ERI3: variants seen among roughly 807,000 people sequenced by gnomAD.
ERI3 encodes the protein ERI1 exoribonuclease family member 3.
Under a neutral mutation model 44.4 loss-of-function variants are expected in ERI3, and 18 were observed. That is an observed-to-expected ratio of 0.41 (90% CI 0.28 to 0.60). ERI3 has a LOEUF of 0.60. Among genes scored for constraint, ERI3 ranks in the 20% least tolerant of loss-of-function variants. The pLI, the probability that ERI3 is intolerant of heterozygous loss-of-function variation, is 0.36. For synonymous variants in ERI3, 183 were observed against 164.8 expected (o/e 1.11, Z -0.84); for missense variants, 294 against 435.5 (o/e 0.68, Z 2.89).
intron 8 of ERI3, among the ~76,000 whole-genome samples, chr1:44,222,248 C>A (rs1437012604): frequency 2.0e-5 from 3 of 152,230 alleles, no homozygotes; most frequent in Non-Finnish European, 4.4e-5. Flanking sequence ...GCTCAAACAG[C>A]AGCTTGCCTG....
At position 44,354,923 on chromosome 1, in the gene ERI3, C is replaced by G. The variant is rs755224687; in HGVS notation, c.104G>C (p.Trp35Ser). 4 of 1,323,092 alleles carry G rather than the reference C, an allele frequency of 3.0e-6. No individual in the cohort carries two copies. The Admixed American group carries it at 9.2e-5, about 30-fold the overall frequency. The allele number at this position is 1,323,092 out of a possible 1,614,324, so 82.0% of individuals were successfully genotyped here. A position where few individuals can be genotyped will look rare whatever the true frequency, so the allele number is the denominator to read the frequency against. The change falls in exon 1 of 9, where the codon TGG (tryptophan) becomes TCG (serine). Residue 35 changes from tryptophan to serine, a missense_variant. By Grantham distance (177) the Trp-to-Ser change is radical. This residue lies in a region of ERI3 where 107 missense variants were observed against 96.9 expected (regional missense o/e 1.10). Transcript: ENST00000372257. The stretch of plus-strand genomic sequence containing the variant: ...GTGTTGCCCCCAACTCGGGCCCATC[C>G]AAGTCCAGGGGAGAGTAAGGGGAGG... ...PAPPLTLPWT[W>S]MGPSWGQHPG...
chr1:44,281,878 ATGTGTGTGTGTGTGTGTGTG>A (rs10574197), intron 7 of ERI3, among the ~76,000 whole-genome samples: 13 of 127,018 alleles, frequency 1.0e-4, no homozygotes, highest in African/African-American at 1.7e-4. Context: ...ACATGTGCAT[ATGTGTGTGTGTGTGTGTGTG>A]TGTGTGTGTG....
chr1:44,318,664 GTCAAACAGGC>G (rs1220579056), intron 4 of ERI3, among the ~76,000 whole-genome samples: 1 of 152,214 alleles, frequency 6.6e-6, no homozygotes, highest in African/African-American at 2.4e-5. Context: ...GCCCACCAGG[GTCAAACAGGC>G]TCATCCCCAG....
intron 7 of ERI3, among the ~76,000 whole-genome samples, chr1:44,259,899 A>ATAGATAGG: frequency 6.8e-6 from 1 of 147,822 alleles, no homozygotes; most frequent in Non-Finnish European, 1.5e-5. Flanking sequence ...AGATAGATAG[A>ATAGATAGG]TAGATAGATA....
chr1:44,293,864 C>T (rs534271978), intron 6 of ERI3, among the ~76,000 whole-genome samples: 3 of 152,292 alleles, frequency 2.0e-5, no homozygotes, highest in Admixed American at 1.3e-4. Context: ...CTGGTACACA[C>T]GCACCTCTGG....
intron 2 of ERI3, among the ~76,000 whole-genome samples, chr1:44,350,653 C>T (rs1220625834): frequency 6.6e-6 from 1 of 152,132 alleles, no homozygotes; most frequent in Non-Finnish European, 1.5e-5. Context: ...CTTTGGTAGA[C>T]ATTCTAGTAG....
In ERI3 at chr1:44,340,871, G is replaced by C. The variant is rs543830233; in HGVS notation, c.212-1549C>G. 1.7e-3 allele frequency among the ~76,000 whole-genome samples: 254 copies of C among 152,296 alleles called. 1 individual carries two copies. The highest frequency in any genetic ancestry group is 5.9e-3 in the African/African-American group (245 of 41,558). ...TTGAGTTTCAATATGGAGTCTCCTG[G>C]AAGGGCAAGAGGGCCAATATCCCTT... On this transcript the variant is annotated intron_variant, in intron 2 of 8. Transcript: ENST00000372257.
intron 5 of ERI3, among the ~76,000 whole-genome samples, chr1:44,311,661 C>T (rs770796511): frequency 6.6e-6 from 1 of 152,088 alleles, no homozygotes; most frequent in Admixed American, 6.5e-5. Flanking sequence ...GAAAAAAAAC[C>T]CATAACCTCA....
intron 1 of ERI3, chr1:44,354,178 T>C (rs1646950842): frequency 2.0e-6 from 2 of 985,324 alleles, no homozygotes; most frequent in Admixed American, 6.1e-5. Context: ...TACACTCTTT[T>C]AGCCAATAGG....
chr1:44,312,398 C>T (rs1645991688), intron 5 of ERI3, among the ~76,000 whole-genome samples: 1 of 152,250 alleles, frequency 6.6e-6, no homozygotes, highest in South Asian at 2.1e-4. Context: ...ACCTTCTCCC[C>T]CTGTGAAAAC....
intron 3 of ERI3, among the ~76,000 whole-genome samples, chr1:44,324,022 A>C (rs760863152): frequency 6.6e-5 from 10 of 152,214 alleles, no homozygotes; most frequent in Non-Finnish European, 1.2e-4. Flanking sequence ...AAAGTTCTAG[A>C]GTTTGCTACT....
intron 4 of ERI3, among the ~76,000 whole-genome samples, chr1:44,317,686 G>A (rs1279917239): frequency 1.3e-5 from 2 of 152,020 alleles, no homozygotes; most frequent in Admixed American, 6.6e-5. Context: ...TTCTATGTTG[G>A]AATAAGCACA....
intron 3 of ERI3, among the ~76,000 whole-genome samples, chr1:44,328,409 T>A (rs161718): frequency 0.99 from 151,291 of 152,136 alleles, 75,230 homozygotes; most frequent in Middle Eastern, 1. Context: ...CCTCCACCCT[T>A]GCCTTTCAGA....
At chr1:44,279,369 C>T (rs996487497) in intron 7 of ERI3, among the ~76,000 whole-genome samples, 2 of 152,084 alleles carry the variant, frequency 1.3e-5, no homozygotes, top group African/African-American at 4.8e-5. Context: ...GGACTATGAG[C>T]ATGCATCACC....
At chr1:44,273,369 G>A (rs1387131875) in intron 7 of ERI3, among the ~76,000 whole-genome samples, 1 of 152,170 alleles carries the variant, frequency 6.6e-6, no homozygotes, top group East Asian at 1.9e-4. Flanking sequence ...GGAGAAAAGA[G>A]CACACTGACC....
At chr1:44,276,521 C>G (rs1348925541) in intron 7 of ERI3, among the ~76,000 whole-genome samples, 1 of 152,172 alleles carries the variant, frequency 6.6e-6, no homozygotes, top group African/African-American at 2.4e-5. Context: ...CTTTTCCATA[C>G]AACATCAGCT....
chr1:44,298,817 T>C (rs532342922), intron 6 of ERI3, among the ~76,000 whole-genome samples: 5 of 151,796 alleles, frequency 3.3e-5, no homozygotes, highest in Non-Finnish European at 5.9e-5. Context: ...ACTCGGAAGG[T>C]TGGGGTGAGA....
chr1:44,238,024 C>G (rs894799834), intron 8 of ERI3, among the ~76,000 whole-genome samples: 2 of 152,156 alleles, frequency 1.3e-5, no homozygotes, highest in Non-Finnish European at 2.9e-5. Context: ...CCCAGAATAC[C>G]TCCTCGGCCC....
At chr1:44,347,781 A>G (rs1449591492) in intron 2 of ERI3, among the ~76,000 whole-genome samples, 1 of 152,176 alleles carries the variant, frequency 6.6e-6, no homozygotes, top group Non-Finnish European at 1.5e-5. Flanking sequence ...GTGTTAAAAA[A>G]AAAAAAAGCA....
Sources: allele counts gnomAD v4.1 joint callset (sites outside exome capture counted in the v4.1 genomes callset), GRCh38; gene constraint gnomAD v4.1.1; regional missense constraint gnomAD v4.1.1; transcripts MANE v1.5; gene names NCBI Gene and HGNC (gene_info 2026-07-23, HGNC 2026-07-21).